PPP5C: variants seen among roughly 807,000 people sequenced by gnomAD.
The protein encoded by PPP5C is protein phosphatase 5 catalytic subunit.
Under a neutral mutation model 66.7 loss-of-function variants are expected in PPP5C, and 21 were observed. The observed-to-expected ratio is 0.31, with a 90% CI of 0.22 to 0.45. The LOEUF is 0.45. PPP5C is among the 20% of genes least tolerant of loss of function. PPP5C has a pLI of 1.00. For missense variants in PPP5C, 464 were observed against 675.9 expected (o/e 0.69, Z 3.48); for synonymous variants, 246 against 257.4 (o/e 0.96, Z 0.43).
chr19:46,371,562 CCAGAGT>C (rs772251293), intron 2 of PPP5C, among the ~76,000 whole-genome samples: 3 of 152,084 alleles, frequency 2.0e-5, no homozygotes, highest in Non-Finnish European at 4.4e-5. Context: ...CAGCTTTGTC[CCAGAGT>C]CAGGCCATAA....
In PPP5C at chr19:46,383,721, G is replaced by A; in HGVS notation, c.700-59G>A. On this transcript the variant is annotated intron_variant, in intron 5 of 12. Coordinates refer to ENST00000012443, the MANE Select transcript of PPP5C (RefSeq NM_006247.4). The surrounding 1 kb of genome is among the most constrained non-coding windows in gnomAD (Gnocchi z 5.0). ...AACTCTTACCCTTCCCCTCACCTCTGCCCCCTCCCCACGTCTCTCTCTCGG... is the reference window on the plus strand; with the variant it reads ...AACTCTTACCCTTCCCCTCACCTCTACCCCCTCCCCACGTCTCTCTCTCGG... 7.2e-7 allele frequency: 1 copy of A among 1,380,122 alleles called. No individual in the cohort carries two copies. 85.5% of individuals were successfully genotyped at this position (1,380,122 alleles called of 1,614,324 possible). A position where few individuals can be genotyped will look rare whatever the true frequency, so the allele number is the denominator to read the frequency against.
Position 46,387,649 on chromosome 19 carries a change from G to C in PPP5C, c.1135+196G>C, listed in dbSNP as rs767696202. 55 of 1,512,964 alleles carry C rather than the reference G, an allele frequency of 3.6e-5. 1 individual carries two copies. In the South Asian group the frequency reaches 6.5e-4, roughly 18 times the overall value. 93.7% of individuals were successfully genotyped at this position (1,512,964 alleles called of 1,614,324 possible). On this transcript the variant is annotated intron_variant, in intron 9 of 12. Coordinates refer to ENST00000012443, the MANE Select transcript of PPP5C (RefSeq NM_006247.4). The stretch of plus-strand genomic sequence containing the variant: ...GGGCTGTGATGGCAAGCACGGTCGT[G>C]ACCATGGTGCGGGGTGAAGGCACGG...
In PPP5C at chr19:46,390,557, G is replaced by A; in HGVS notation, c.*211G>A. ...GGTCTGCTCCCTGGACAGAGAGGAA[G>A]GAGGTGGAGCAGCTGGGGCTGGGGG... On this transcript the variant is annotated 3_prime_UTR_variant, in exon 13 of 13. Coordinates refer to ENST00000012443, the MANE Select transcript of PPP5C (RefSeq NM_006247.4). 1 of 1,413,142 alleles carries A rather than the reference G, an allele frequency of 7.1e-7. No homozygotes were observed. The highest frequency in any genetic ancestry group is 9.2e-7 in the Non-Finnish European group (1 of 1,083,730). 87.5% of individuals were successfully genotyped at this position (1,413,142 alleles called of 1,614,324 possible).
chr19:46,379,346 C>G (rs1194961335), intron 4 of PPP5C, among the ~76,000 whole-genome samples: 3 of 152,178 alleles, frequency 2.0e-5, no homozygotes, highest in Non-Finnish European at 4.4e-5. Context: ...GCCACCATGC[C>G]TGGCCTGATT....
At chr19:46,361,589 TAAAAAAAAAA>T (rs935838226) in intron 2 of PPP5C, among the ~76,000 whole-genome samples, 11 of 85,272 alleles carry the variant, frequency 1.3e-4, no homozygotes, top group African/African-American at 1.9e-4. Flanking sequence ...TACTAAAAAT[TAAAAAAAAAA>T]AAAAAAAAAA....
At chr19:46,353,636 G>C in intron 1 of PPP5C, 112 bp from the exon 2 acceptor site, 1 of 1,477,708 alleles carries the variant, frequency 6.8e-7, no homozygotes, top group Non-Finnish European at 9.2e-7. Flanking sequence ...CTGGGCTCAG[G>C]GTAGCCCTCA....
In PPP5C at chr19:46,390,203, G is replaced by T. The variant is rs1972991010; in HGVS notation, c.1437+71G>T. 2.2e-5 allele frequency: 36 copies of T among 1,608,090 alleles called. No individual in the cohort carries two copies. In the South Asian group the frequency reaches 3.9e-4, roughly 17 times the overall value. On this transcript the variant is annotated intron_variant, in intron 12 of 12. Coordinates refer to ENST00000012443, the MANE Select transcript of PPP5C (RefSeq NM_006247.4). ...GACAAGGAGGCTGAGACCCTGGTAA[G>T]GGGCAGGGGTAGGTTCTGCCGGTGG...
rs371607299 is a variant in PPP5C, at chr19:46,390,170, G to A, written c.1437+38G>A. On this transcript the variant is annotated intron_variant, in intron 12 of 12. Transcript: ENST00000012443. ...TCAGGGCCCCTGCCCCTTCCATCCC[G>A]GCCTGGGGACAAGGAGGCTGAGACC... 65 of 1,611,006 alleles carry A rather than the reference G, an allele frequency of 4.0e-5. 1 individual carries two copies. Among genetic ancestry groups the A allele is most frequent in the African/African-American group, 2.8e-4 (21 of 74,820 alleles).
intron 2 of PPP5C, among the ~76,000 whole-genome samples, chr19:46,356,178 CTT>C (rs991731142): frequency 1.3e-3 from 205 of 152,332 alleles, no homozygotes; most frequent in African/African-American, 4.5e-3. Flanking sequence ...AATTCAGAGT[CTT>C]TTACAGAATA....
chr19:46,360,227 T>C (rs1019562280), intron 2 of PPP5C, among the ~76,000 whole-genome samples: 2 of 152,206 alleles, frequency 1.3e-5, no homozygotes, highest in African/African-American at 4.8e-5. Flanking sequence ...TCATAATTAA[T>C]AACTGATAAC....
intron 2 of PPP5C, among the ~76,000 whole-genome samples, chr19:46,355,391 G>A (rs1308755495): frequency 1.3e-5 from 2 of 151,464 alleles, no homozygotes; most frequent in Non-Finnish European, 2.9e-5. Context: ...GTCTGCAGTT[G>A]GTCGCGGGGC....
intron 4 of PPP5C, among the ~76,000 whole-genome samples, chr19:46,377,078 C>G (rs1417279121): frequency 1.3e-5 from 2 of 152,182 alleles, no homozygotes; most frequent in African/African-American, 2.4e-5. Context: ...CTACAGGGAC[C>G]TTACCATAGT....
chr19:46,375,336 G>A (rs772385037), intron 2 of PPP5C, among the ~76,000 whole-genome samples: 28 of 152,238 alleles, frequency 1.8e-4, no homozygotes, highest in African/African-American at 5.3e-4. Context: ...AGCTGAGCCC[G>A]CAGTCCTCAG....
intron 3 of PPP5C, 144 bp downstream of exon 3, chr19:46,375,895 A>G (rs1601434770): frequency 6.5e-6 from 9 of 1,381,682 alleles, no homozygotes; most frequent in Non-Finnish European, 8.6e-6. Flanking sequence ...CCTGTGTTCC[A>G]GGGCGCTCCA....
At chr19:46,387,857 G>A in intron 9 of PPP5C, 1 of 720,738 alleles carries the variant, frequency 1.4e-6, no homozygotes, top group Non-Finnish European at 1.9e-6. Flanking sequence ...GCTGGTGCTG[G>A]GTGCTCAGGA....
chr19:46,367,206 C>T (rs184581210), intron 2 of PPP5C, among the ~76,000 whole-genome samples: 53 of 152,320 alleles, frequency 3.5e-4, no homozygotes, highest in South Asian at 2.1e-4. Context: ...AACATAGTTA[C>T]GGTTTCTTAG....
At chr19:46,371,352 A>G (rs899502447) in intron 2 of PPP5C, among the ~76,000 whole-genome samples, 9 of 152,222 alleles carry the variant, frequency 5.9e-5, no homozygotes, top group Non-Finnish European at 8.8e-5. Flanking sequence ...GATCTGTGAA[A>G]GTAACAGGAA....
intron 2 of PPP5C, among the ~76,000 whole-genome samples, chr19:46,373,810 G>C (rs1422368808): frequency 2.6e-5 from 4 of 152,196 alleles, no homozygotes; most frequent in Non-Finnish European, 5.9e-5. Context: ...GAGCCCAGAG[G>C]GGGTGCCTGA....
chr19:46,368,928 G>A (rs1012660859), intron 2 of PPP5C, among the ~76,000 whole-genome samples: 4 of 152,088 alleles, frequency 2.6e-5, no homozygotes, highest in African/African-American at 9.7e-5. Flanking sequence ...TCCTTCATGG[G>A]GATCTTGATC....
Sources: gnomAD v4.1 joint callset for allele counts (sites outside exome capture counted in the v4.1 genomes callset) on GRCh38, gnomAD v4.1.1 for gene constraint, Gnocchi (gnomAD v3.1) non-coding constraint, MANE v1.5 for transcripts, NCBI Gene and HGNC (gene_info 2026-07-23, HGNC 2026-07-21) for gene names.